PCDHGA8: variants seen among roughly 807,000 people sequenced by gnomAD.
PCDHGA8 encodes the protein protocadherin gamma-A8.
In PCDHGA8, 45 loss-of-function variants were observed where a neutral mutation model predicts 59.2. The observed-to-expected ratio is 0.76, with a 90% CI of 0.60 to 0.98. PCDHGA8 has a LOEUF of 0.98. Ranked by LOEUF, PCDHGA8 falls within the 50% of genes least tolerant of loss-of-function variation. The pLI is 0.00. For synonymous variants in PCDHGA8, 531 were observed against 519.0 expected (o/e 1.02, Z -0.32); for missense variants, 1,257 against 1,196.2 (o/e 1.05, Z -0.75).
intron 1 of PCDHGA8, among the ~76,000 whole-genome samples, chr5:141,406,857 A>T (rs1377435171): frequency 2.0e-5 from 3 of 152,244 alleles, no homozygotes; most frequent in Admixed American, 2.0e-4. Flanking sequence ...TTAAGAAAAT[A>T]TTCTCAGGAA....
At chr5:141,423,192 C>T in intron 1 of PCDHGA8, 2 of 1,613,622 alleles carry the variant, frequency 1.2e-6, no homozygotes, top group African/African-American at 2.7e-5. Context: ...AGCCCCCTCT[C>T]TCGGCCACCG....
chr5:141,403,026 AGGCCAG>A, intron 1 of PCDHGA8: 1 of 1,614,074 alleles, frequency 6.2e-7, no homozygotes, highest in Non-Finnish European at 8.5e-7. Context: ...ATGCTATGGG[AGGCCAG>A]GGCCAGTCAG....
rs186638311 is a variant in PCDHGA8, at chr5:141,492,901, T to C, written c.2425-1906T>C. 3.7e-3 allele frequency among the ~76,000 whole-genome samples: 568 copies of C among 152,326 alleles called. 5 individuals carry two copies. The highest frequency in any genetic ancestry group is 0.011 in the Admixed American group (163 of 15,308). On this transcript the variant is annotated intron_variant, in intron 1 of 3. Coordinates refer to ENST00000398604, the MANE Select transcript of PCDHGA8 (RefSeq NM_032088.2). ...GAGATACAGGCTTTTGGCGCCGTCG[T>C]GATCACAATGTGCCCAGCGATCTAG...
intron 1 of PCDHGA8, chr5:141,420,319 G>T (rs1393746531): frequency 7.0e-7 from 1 of 1,437,422 alleles, no homozygotes; most frequent in African/African-American, 1.4e-5. Context: ...ATTACAATAT[G>T]CCAATATATT....
At chr5:141,398,606 C>T in intron 1 of PCDHGA8, 1 of 1,614,000 alleles carries the variant, frequency 6.2e-7, no homozygotes, top group Non-Finnish European at 8.5e-7. Context: ...GCAGAAGATG[C>T]AGATATTGGC....
Position 141,432,812 on chromosome 5 carries a change from G to A in PCDHGA8, c.2424+37575G>A, listed in dbSNP as rs753429933. ...CAGCCTCGAGTCTCCAGCTAACTCT[G>A]AAACCTCAGACCTCACTCTGTACCT... On this transcript the variant is annotated intron_variant, in intron 1 of 3. Coordinates refer to ENST00000398604, the MANE Select transcript of PCDHGA8 (RefSeq NM_032088.2). This position sits in a 1 kb window ranked among gnomAD's most constrained non-coding sequence, Gnocchi z 6.0. 1.2e-6 allele frequency: 2 copies of A among 1,614,176 alleles called. No homozygotes were observed. Among genetic ancestry groups the A allele is most frequent in the Non-Finnish European group, 1.7e-6 (2 of 1,180,014 alleles).
rs538474552 is a variant in PCDHGA8, at chr5:141,415,070, C to T, written c.2424+19833C>T. The T allele has an allele frequency of 2.0e-5, 32 of 1,613,398 alleles. No homozygotes were observed. The African/African-American group carries it at 3.9e-4, about 19-fold the overall frequency. On this transcript the variant is annotated intron_variant, in intron 1 of 3. Transcript: ENST00000398604. Reference sequence around the variant, plus strand: ...GGGGAGCACACGGGCGAGGTGCGCACGGCGCGAGCCCTGCTGGACAGAGAC... The same window carrying T: ...GGGGAGCACACGGGCGAGGTGCGCATGGCGCGAGCCCTGCTGGACAGAGAC...
chr5:141,423,071 C>T, intron 1 of PCDHGA8: 2 of 1,614,120 alleles, frequency 1.2e-6, no homozygotes, highest in South Asian at 1.1e-5. Flanking sequence ...GCCAGCGAGC[C>T]GGGACTCTTC....
chr5:141,505,676 C>A (rs1308943385), intron 3 of PCDHGA8, among the ~76,000 whole-genome samples, 195 bp downstream of exon 3: 1 of 152,060 alleles, frequency 6.6e-6, no homozygotes, highest in South Asian at 2.1e-4. Context: ...GGTTGGGGGT[C>A]CTGGGATGCC....
chr5:141,510,307 G>C (rs1250172295), intron 3 of PCDHGA8, among the ~76,000 whole-genome samples: 1 of 151,446 alleles, frequency 6.6e-6, no homozygotes, highest in African/African-American at 2.4e-5. Context: ...TTTTGAAATG[G>C]AGGCTTGGAA....
rs2099691833 is a variant in PCDHGA8, at chr5:141,489,761, C to A, written c.2425-5046C>A. 8.1e-6 allele frequency: 13 copies of A among 1,614,102 alleles called. No individual in the cohort carries two copies. The highest frequency in any genetic ancestry group is 1.1e-5 in the Non-Finnish European group (13 of 1,179,962). ...ACTGTGAGCTTTTACACTCTAAGCCCCAACAGCCACTTCTCTCTGAATGTG... is the reference window on the plus strand; with the variant it reads ...ACTGTGAGCTTTTACACTCTAAGCCACAACAGCCACTTCTCTCTGAATGTG... On this transcript the variant is annotated intron_variant, in intron 1 of 3. Coordinates refer to ENST00000398604, the MANE Select transcript of PCDHGA8 (RefSeq NM_032088.2). The surrounding 1 kb of genome is among the most constrained non-coding windows in gnomAD (Gnocchi z 4.5).
intron 1 of PCDHGA8, among the ~76,000 whole-genome samples, chr5:141,438,674 A>C (rs894070572): frequency 1.9e-4 from 25 of 134,850 alleles, no homozygotes; most frequent in Non-Finnish European, 3.1e-4. Context: ...ATATATTTGG[A>C]GTAGGGGATG....
rs1254680765 is a variant in PCDHGA8 at position 141,491,399 on chromosome 5, A to G, written c.2425-3408A>G. ...CTGTCAGCGAAGTGCCTTCAGGGAA[A>G]CGCAGACGGGGACGGGGGTGGAGGG... On this transcript the variant is annotated intron_variant, in intron 1 of 3. Transcript: ENST00000398604. This position sits in a 1 kb window ranked among gnomAD's most constrained non-coding sequence, Gnocchi z 6.9. 3 of 1,613,998 alleles carry G rather than the reference A, an allele frequency of 1.9e-6. No homozygotes were observed. Among genetic ancestry groups the G allele is most frequent in the Non-Finnish European group, 2.5e-6 (3 of 1,180,028 alleles).
intron 1 of PCDHGA8, chr5:141,422,658 C>T (rs2096662185): frequency 6.2e-7 from 1 of 1,609,912 alleles, no homozygotes; most frequent in Non-Finnish European, 8.5e-7. Context: ...CAGTGACCGC[C>T]CTCGACCCGG....
Position 141,484,782 on chromosome 5 carries a change from C to A in PCDHGA8, c.2425-10025C>A, listed in dbSNP as rs572593816. 2.0e-5 allele frequency among the ~76,000 whole-genome samples: 3 copies of A among 152,066 alleles called. No homozygotes were observed. In the South Asian group the frequency reaches 6.3e-4, roughly 32 times the overall value. On this transcript the variant is annotated intron_variant, in intron 1 of 3. Transcript: ENST00000398604. Reference sequence around the variant, plus strand: ...TATATATATGTTGTCTGCCTCCCCACAGAGATAACAACCCGTGGAAAAACA... The same window carrying A: ...TATATATATGTTGTCTGCCTCCCCAAAGAGATAACAACCCGTGGAAAAACA...
rs1403163275 is a variant in PCDHGA8 at position 141,441,708 on chromosome 5, A to T, written c.2424+46471A>T. ...AGAGCAGCCGCGAGCCTTCAAGCTC[A>T]CGCTGCAGGCCCGCGACCAGGACTA... On this transcript the variant is annotated intron_variant, in intron 1 of 3. Coordinates refer to ENST00000398604, the MANE Select transcript of PCDHGA8 (RefSeq NM_032088.2). 2.8e-5 allele frequency: 9 copies of T among 319,492 alleles called. No homozygotes were observed. In the East Asian group the frequency reaches 1.0e-3, roughly 37 times the overall value. 19.8% of individuals were successfully genotyped at this position (319,492 alleles called of 1,614,324 possible).
intron 2 of PCDHGA8, among the ~76,000 whole-genome samples, chr5:141,499,214 C>T (rs1228581603): frequency 6.6e-6 from 1 of 152,074 alleles, no homozygotes; most frequent in Non-Finnish European, 1.5e-5. Flanking sequence ...TAACCCAGGC[C>T]CTGCCCTGCA....
chr5:141,505,590 A>G, intron 3 of PCDHGA8, 109 bp downstream of exon 3: 1 of 1,571,996 alleles, frequency 6.4e-7, no homozygotes, highest in East Asian at 2.3e-5. Context: ...TAGTTTCTCC[A>G]GATCTTTCGG....
chr5:141,418,980 A>C (rs1219866791), intron 1 of PCDHGA8: 2 of 1,614,004 alleles, frequency 1.2e-6, no homozygotes, highest in Non-Finnish European at 1.7e-6. Flanking sequence ...ACACGGGACC[A>C]AGACTCAGGG....
Sources: gnomAD v4.1 joint callset for allele counts (sites outside exome capture counted in the v4.1 genomes callset) on GRCh38, gnomAD v4.1.1 for gene constraint, Gnocchi (gnomAD v3.1) non-coding constraint, MANE v1.5 for transcripts, NCBI Gene and HGNC (gene_info 2026-07-23, HGNC 2026-07-21) for gene names.